Variants in CFAP61 observed in about 807,000 individuals in gnomAD.
The protein encoded by CFAP61 is cilia- and flagella-associated protein 61.
Under a neutral mutation model 135.6 loss-of-function variants are expected in CFAP61, and 107 were observed. The observed-to-expected ratio is 0.79, with a 90% confidence interval of 0.67 to 0.93. CFAP61 has a LOEUF of 0.93. Ranked by LOEUF, CFAP61 falls within the 40% of genes least tolerant of loss-of-function variation. The pLI, the probability that CFAP61 is intolerant of heterozygous loss-of-function variation, is 0.00. For synonymous variants in CFAP61, 575 were observed against 578.5 expected (o/e 0.99, Z 0.09); for missense variants, 1,507 against 1,556.2 (o/e 0.97, Z 0.53).
intron 13 of CFAP61, chr20:20,172,055 G>A: frequency 2.4e-6 from 1 of 409,572 alleles, no homozygotes; most frequent in Non-Finnish European, 3.9e-6. Context: ...AAGGGAGCCT[G>A]GAAGATATGT....
At position 20,298,343 on chromosome 20, in the gene CFAP61, C is replaced by G. The variant is rs1407037894; in HGVS notation, c.3379C>G (p.Leu1127Val). 6 of 1,614,188 alleles carry G rather than the reference C, an allele frequency of 3.7e-6. No individual in the cohort carries two copies. In the South Asian group the frequency reaches 6.6e-5, roughly 18 times the overall value. ...CCAGCACGAGCAACTCCTCAACAAC[C>G]TGTGTGCTCGGTACGATGAAAACCT... ...FGQHEQLLNNLCARYDENLIT... is the reference protein window; with the variant it reads ...FGQHEQLLNNVCARYDENLIT... Residue 1127 changes from leucine (L) to valine (V), a missense_variant, in exon 25 of 27, where the codon CTG becomes GTG. Physicochemically the swap from Leu to Val is conservative, Grantham distance 32. Coordinates refer to ENST00000245957, the MANE Select transcript of CFAP61 (RefSeq NM_015585.4).
At chr20:20,237,774 A>G (rs1387736240) in intron 18 of CFAP61, among the ~76,000 whole-genome samples, 1 of 152,200 alleles carries the variant, frequency 6.6e-6, no homozygotes, top group African/African-American at 2.4e-5. Flanking sequence ...TAAGGATGCA[A>G]ACCAGGTCCA....
At chr20:20,092,701 A>G (rs1265950831) in intron 7 of CFAP61, among the ~76,000 whole-genome samples, 1 of 152,242 alleles carries the variant, frequency 6.6e-6, no homozygotes, top group African/African-American at 2.4e-5. Flanking sequence ...AAATGAATAA[A>G]TAAAAGATAC....
At chr20:20,358,975 G>A (rs1428688150) in intron 26 of CFAP61, among the ~76,000 whole-genome samples, 3 of 152,192 alleles carry the variant, frequency 2.0e-5, no homozygotes, top group African/African-American at 4.8e-5. Flanking sequence ...CTCAACCCTG[G>A]GGGATGTGCT....
intron 18 of CFAP61, among the ~76,000 whole-genome samples, chr20:20,236,795 A>G (rs1033779370): frequency 1.3e-5 from 2 of 152,204 alleles, no homozygotes; most frequent in African/African-American, 2.4e-5. Flanking sequence ...CCATGATTCC[A>G]TCCTTAAGGA....
At chr20:20,313,525 A>G (rs1434511126) in intron 25 of CFAP61, among the ~76,000 whole-genome samples, 2 of 152,176 alleles carry the variant, frequency 1.3e-5, no homozygotes, top group Non-Finnish European at 2.9e-5. Context: ...TACCCACTGG[A>G]CACGTCTGTG....
In CFAP61 at chr20:20,301,204, C is replaced by A. The variant is rs142247555; in HGVS notation, c.3422+2818C>A. On this transcript the variant is annotated intron_variant, in intron 25 of 26. Transcript: ENST00000245957. ...ACGGTAAGTACCCTATACAGGTATA[C>A]CCTTTTTAAATCTTTTATGCCATAT... Among the ~76,000 whole-genome samples the A allele has an allele frequency of 1.3e-3, 197 of 152,228 alleles. 2 individuals are homozygous for A. The highest frequency in any genetic ancestry group is 4.5e-3 in the African/African-American group (185 of 41,532).
intron 8 of CFAP61, among the ~76,000 whole-genome samples, chr20:20,129,394 C>T (rs997619440): frequency 1.3e-5 from 2 of 151,846 alleles, no homozygotes; most frequent in Non-Finnish European, 1.5e-5. Context: ...TGTCATCTCA[C>T]TCCCACCTGC....
Position 20,137,856 on chromosome 20 carries a change from G to A in CFAP61, c.860-5001G>A, listed in dbSNP as rs184930251. ...TAGCCACTACAGCTGAGAATGTGCC[G>A]GTCACACCTGAAGTCAGCACAGCTC... is the stretch of plus-strand genomic sequence containing the variant. On this transcript the variant is annotated intron_variant, in intron 8 of 26. Transcript: ENST00000245957. Among the ~76,000 whole-genome samples the A allele has an allele frequency of 3.0e-4, 45 of 152,220 alleles. No homozygotes were observed. The East Asian group carries it at 7.9e-3, about 27-fold the overall frequency.
At chr20:20,141,346 T>A (rs2051385542) in intron 8 of CFAP61, among the ~76,000 whole-genome samples, 1 of 152,252 alleles carries the variant, frequency 6.6e-6, no homozygotes, top group East Asian at 1.9e-4. Flanking sequence ...AAAAGCATCC[T>A]GCTCTTGTCA....
intron 20 of CFAP61, among the ~76,000 whole-genome samples, chr20:20,252,436 A>C (rs1313629377): frequency 2.0e-5 from 3 of 152,224 alleles, no homozygotes; most frequent in Non-Finnish European, 2.9e-5. Context: ...ACTCTAACTC[A>C]AGGATGAAGT....
chr20:20,098,438 C>T (rs757179928), intron 7 of CFAP61, among the ~76,000 whole-genome samples: 58 of 151,306 alleles, frequency 3.8e-4, no homozygotes, highest in Non-Finnish European at 5.0e-4. Context: ...GGTGAAACTC[C>T]GTCTCTACTA....
chr20:20,113,138 T>C (rs111981589), intron 8 of CFAP61, among the ~76,000 whole-genome samples: 1 of 152,206 alleles, frequency 6.6e-6, no homozygotes, highest in East Asian at 1.9e-4. Flanking sequence ...GCATTCTCTG[T>C]TTATAAGGCT....
chr20:20,128,970 A>C (rs1461425430), intron 8 of CFAP61, among the ~76,000 whole-genome samples: 2 of 151,556 alleles, frequency 1.3e-5, no homozygotes, highest in African/African-American at 4.9e-5. Context: ...TATACTATCT[A>C]TCTCTTAACA....
chr20:20,335,630 C>G (rs185841082), intron 25 of CFAP61, among the ~76,000 whole-genome samples: 261 of 152,310 alleles, frequency 1.7e-3, no homozygotes, highest in Admixed American at 3.3e-3. Flanking sequence ...GAGGCCAAGG[C>G]CCCTATGAAT....
intron 6 of CFAP61, chr20:20,085,311 G>T (rs2046720040): frequency 8.4e-7 from 1 of 1,196,978 alleles, no homozygotes; most frequent in African/African-American, 1.6e-5. Context: ...GTTTCTGTGG[G>T]GCTGGACTTT....
chr20:20,139,887 G>A (rs910932051), intron 8 of CFAP61, among the ~76,000 whole-genome samples: 2 of 152,158 alleles, frequency 1.3e-5, no homozygotes, highest in African/African-American at 2.4e-5. Flanking sequence ...AATTATAAAA[G>A]AAGCATGCAC....
chr20:20,142,288 G>A (rs1464367240), intron 8 of CFAP61, among the ~76,000 whole-genome samples: 5 of 152,118 alleles, frequency 3.3e-5, no homozygotes, highest in Admixed American at 6.5e-5. Flanking sequence ...TTTCTATTAC[G>A]AAATAGAAAA....
At position 20,099,583 on chromosome 20, in the gene CFAP61, G is replaced by GA. The variant is rs375245546; in HGVS notation, c.859+769_859+770insA. Among the ~76,000 whole-genome samples, 5 of 151,978 alleles carry GA rather than the reference G, an allele frequency of 3.3e-5. No individual in the cohort carries two copies. In the East Asian group the frequency reaches 9.7e-4, roughly 29 times the overall value. On this transcript the variant is annotated intron_variant, in intron 8 of 26. Transcript: ENST00000245957. ...TAATAGTAATACCTCCCACACGGGG[G>GA]GGGGGTTGTGAAGTTTCACTGAGAT...
Sources: gnomAD v4.1 joint callset for allele counts (sites outside exome capture counted in the v4.1 genomes callset) on GRCh38, gnomAD v4.1.1 for gene constraint, MANE v1.5 for transcripts, NCBI Gene and HGNC (gene_info 2026-07-23, HGNC 2026-07-21) for gene names.